SH3PXD2B: variants seen among roughly 807,000 people sequenced by gnomAD.
SH3PXD2B encodes the protein SH3 and PX domains 2B.
Under a neutral mutation model 73.1 loss-of-function variants are expected in SH3PXD2B, and 37 were observed. The ratio of observed to expected loss-of-function variants is 0.51; its 90% CI spans 0.39 to 0.67. The LOEUF is 0.67. Ranked by LOEUF, SH3PXD2B falls within the 30% of genes least tolerant of loss-of-function variation. The pLI is 0.00. For missense variants in SH3PXD2B, 1,053 were observed against 1,197.8 expected (o/e 0.88, Z 1.78); for synonymous variants, 457 against 480.5 (o/e 0.95, Z 0.64).
At chr5:172,343,236 G>A (rs926816520) in intron 12 of SH3PXD2B, among the ~76,000 whole-genome samples, 1 of 152,128 alleles carries the variant, frequency 6.6e-6, no homozygotes, top group Non-Finnish European at 1.5e-5. Flanking sequence ...TCTTATCAAC[G>A]CTTGATAGCT....
chr5:172,441,009 C>T (rs1759540881), intron 1 of SH3PXD2B, among the ~76,000 whole-genome samples: 1 of 152,154 alleles, frequency 6.6e-6, no homozygotes, highest in Non-Finnish European at 1.5e-5. Context: ...AGAGTGAGCT[C>T]CACAGGCCCA....
chr5:172,453,209 CTTCT>C (rs778795855), intron 1 of SH3PXD2B, among the ~76,000 whole-genome samples: 23 of 152,166 alleles, frequency 1.5e-4, no homozygotes, highest in Admixed American at 2.6e-4. Context: ...TTGTTCTATA[CTTCT>C]TTGTTAGGAT....
At chr5:172,410,374 G>A (rs1046698464) in intron 2 of SH3PXD2B, among the ~76,000 whole-genome samples, 6 of 152,166 alleles carry the variant, frequency 3.9e-5, no homozygotes, top group Non-Finnish European at 5.9e-5. Flanking sequence ...AGGTGGAAAT[G>A]CTTGGTCCAC....
Position 172,333,709 on chromosome 5 carries a change from G to A in SH3PXD2B, c.*4660C>T, listed in dbSNP as rs1364468508. 13 of 1,289,382 alleles carry A rather than the reference G, an allele frequency of 1.0e-5. No individual in the cohort carries two copies. Among genetic ancestry groups the A allele is most frequent in the Non-Finnish European group, 1.3e-5 (13 of 988,884 alleles). The allele number at this position is 1,289,382 out of a possible 1,614,324, so 79.9% of individuals were successfully genotyped here. A position where few individuals can be genotyped will look rare whatever the true frequency, so the allele number is the denominator to read the frequency against. ...AATTTGCCAAGAGGGTAGAGTAAGT[G>A]TGGGGATCTCCAGCGTCATCCTATG... On this transcript the variant is annotated 3_prime_UTR_variant, in exon 13 of 13. Coordinates refer to ENST00000311601, the MANE Select transcript of SH3PXD2B (RefSeq NM_001017995.3).
chr5:172,339,729 G>T lies in SH3PXD2B; in HGVS notation c.1376C>A (p.Thr459Lys), dbSNP rs538635661. Reference sequence around the variant, plus strand: ...GGAGGGGCCCGTGGCTTCGCTGCCCGTGTTGTTCTCCAGCGCTGCTGCTTC... The same window carrying T: ...GGAGGGGCCCGTGGCTTCGCTGCCCTTGTTGTTCTCCAGCGCTGCTGCTTC... ...LGEAAALENN[T>K]GSEATGPSRP... is the part of the protein sequence containing the mutation. The change falls in exon 13 of 13, where the codon ACG becomes AAG. Residue 459 changes from threonine to lysine, a missense_variant. Physicochemically the swap from Thr to Lys is moderately conservative, Grantham distance 78 (BLOSUM62 -1). This residue lies in a region of SH3PXD2B where 587 missense variants were observed against 590.7 expected (regional missense o/e 0.99). Coordinates refer to ENST00000311601, the MANE Select transcript of SH3PXD2B (RefSeq NM_001017995.3). This position sits in a 1 kb window ranked among gnomAD's most constrained non-coding sequence, Gnocchi z 6.1. 1.9e-6 allele frequency: 3 copies of T among 1,614,094 alleles called. No homozygotes were observed. Among genetic ancestry groups the T allele is most frequent in the Non-Finnish European group, 2.5e-6 (3 of 1,179,942 alleles).
At chr5:172,404,883 A>C (rs1758516805) in intron 3 of SH3PXD2B, among the ~76,000 whole-genome samples, 1 of 152,154 alleles carries the variant, frequency 6.6e-6, no homozygotes, top group South Asian at 2.1e-4. Context: ...AGCCAGCCAT[A>C]CCTGTGTCTG....
chr5:172,362,745 C>A lies in SH3PXD2B; in HGVS notation c.552G>T (p.Lys184Asn). ...SVGQVVDIIE[K>N]NESGWWFVST... ...GGTCTAGGTCCCCACCTGACTCATT[C>A]TTCTCGATGATGTCCACCACCTGCC... The change falls in exon 7 of 13, where the codon AAG (lysine) becomes AAT (asparagine). Residue 184 changes from lysine to asparagine, a missense_variant. Physicochemically the swap from Lys to Asn is moderately conservative, Grantham distance 94. Coordinates refer to ENST00000311601, the MANE Select transcript of SH3PXD2B (RefSeq NM_001017995.3). The A allele has an allele frequency of 6.2e-7, 1 of 1,614,126 alleles. No homozygotes were observed.
At chr5:172,328,213 G>C (rs1756482275) in intron 12 of SH3PXD2B, among the ~76,000 whole-genome samples, 1 of 148,052 alleles carries the variant, frequency 6.8e-6, no homozygotes, top group Non-Finnish European at 1.5e-5. Flanking sequence ...TGCAACCTCT[G>C]CCTCACCTCA....
rs1207934343 is a variant in SH3PXD2B at position 172,333,532 on chromosome 5, T to TA, written c.*4836_*4837insT. ...GAAGCTTGAAACCAGTCAAGCACTT[T>TA]TTTTATTTAAAAAAAAAAAAAGGAA... On this transcript the variant is annotated 3_prime_UTR_variant, in exon 13 of 13. Transcript: ENST00000311601. 8.0e-5 allele frequency: 90 copies of TA among 1,131,102 alleles called. No individual in the cohort carries two copies. Among genetic ancestry groups the TA allele is most frequent in the Admixed American group, 2.1e-4 (4 of 19,454 alleles). The allele number at this position is 1,131,102 out of a possible 1,614,324, so 70.1% of individuals were successfully genotyped here.
chr5:172,360,791 C>T (rs989737442), intron 7 of SH3PXD2B, among the ~76,000 whole-genome samples: 3 of 152,180 alleles, frequency 2.0e-5, no homozygotes, highest in African/African-American at 7.2e-5. Flanking sequence ...AAGATCGTGC[C>T]ACTGCATGCC....
intron 1 of SH3PXD2B, among the ~76,000 whole-genome samples, chr5:172,434,498 C>T (rs73804842): frequency 0.013 from 1,944 of 152,286 alleles, 33 homozygotes; most frequent in African/African-American, 0.044. Flanking sequence ...GAAACAGCTG[C>T]CGCCCTGCTT....
At chr5:172,408,932 C>A (rs1758627031) in intron 2 of SH3PXD2B, among the ~76,000 whole-genome samples, 1 of 152,024 alleles carries the variant, frequency 6.6e-6, no homozygotes, top group African/African-American at 2.4e-5. Context: ...AATGTTGATT[C>A]ACATAATATG....
In SH3PXD2B at chr5:172,380,568, C is replaced by T. The variant is rs182389972; in HGVS notation, c.401+1468G>A. Among the ~76,000 whole-genome samples the T allele has an allele frequency of 3.7e-4, 57 of 152,328 alleles. No homozygotes were observed. The East Asian group carries it at 0.01, about 28-fold the overall frequency. On this transcript the variant is annotated intron_variant, in intron 5 of 12. Coordinates refer to ENST00000311601, the MANE Select transcript of SH3PXD2B (RefSeq NM_001017995.3). Reference sequence around the variant, plus strand: ...TGATGGCGACACAAATTGGGAAATGCTTACCAGACACCAACGCCAAAGACA... The same window carrying T: ...TGATGGCGACACAAATTGGGAAATGTTTACCAGACACCAACGCCAAAGACA...
At chr5:172,439,892 C>G (rs1455815728) in intron 1 of SH3PXD2B, among the ~76,000 whole-genome samples, 2 of 152,202 alleles carry the variant, frequency 1.3e-5, no homozygotes, top group Admixed American at 1.3e-4. Context: ...CGTGCAGCTC[C>G]AGCCCAGGCC....
At chr5:172,329,690 A>G (rs1385969162), downstream of SH3PXD2B, among the ~76,000 whole-genome samples, 1 of 151,828 alleles carries the variant, frequency 6.6e-6, no homozygotes, top group Non-Finnish European at 1.5e-5. Context: ...GGCACCCGCC[A>G]CCACGCCCGG....
intron 12 of SH3PXD2B, chr5:172,325,431 G>GAAAGACTA: frequency 7.7e-7 from 1 of 1,294,796 alleles, no homozygotes; most frequent in Non-Finnish European, 1.1e-6. Flanking sequence ...CTTTCCAAAC[G>GAAAGACTA]AAAGACTAAC....
At chr5:172,439,604 T>G (rs1759495242) in intron 1 of SH3PXD2B, among the ~76,000 whole-genome samples, 1 of 151,724 alleles carries the variant, frequency 6.6e-6, no homozygotes, top group Non-Finnish European at 1.5e-5. Flanking sequence ...ACTCAAATCT[T>G]GCAAAGTGAG....
At chr5:172,438,432 G>C (rs918781290) in intron 1 of SH3PXD2B, among the ~76,000 whole-genome samples, 1 of 152,156 alleles carries the variant, frequency 6.6e-6, no homozygotes, top group South Asian at 2.1e-4. Flanking sequence ...TGGCGACAAT[G>C]AGCTCTCAGG....
chr5:172,363,052 A>T (rs963541799), intron 6 of SH3PXD2B, among the ~76,000 whole-genome samples, 183 bp from the exon 7 acceptor site: 1 of 152,180 alleles, frequency 6.6e-6, no homozygotes, highest in Non-Finnish European at 1.5e-5. Flanking sequence ...ACCAAAATTG[A>T]CCAAGTGCTA....
Sources: gnomAD v4.1 joint callset for allele counts (sites outside exome capture counted in the v4.1 genomes callset) on GRCh38, gnomAD v4.1.1 for gene constraint, gnomAD v4.1.1 regional missense constraint, Gnocchi (gnomAD v3.1) non-coding constraint, MANE v1.5 for transcripts, NCBI Gene and HGNC (gene_info 2026-07-23, HGNC 2026-07-21) for gene names.